The following ARSI variants were observed in gnomAD, a reference collection of about 807,000 sequenced individuals.
ARSI encodes arylsulfatase family member I.
ARSI carries 37 observed loss-of-function variants against 42.1 expected under a neutral mutation model. The ratio of observed to expected loss-of-function variants is 0.88; its 90% CI spans 0.68 to 1.16. The LOEUF (loss-of-function observed/expected upper bound fraction) is 1.16, where lower values mean the gene tolerates loss of function less well. ARSI is among the 50% of genes most tolerant of loss of function. The pLI is 0.00. For missense variants in ARSI, 725 were observed against 790.1 expected (o/e 0.92, Z 0.99); for synonymous variants, 305 against 320.3 (o/e 0.95, Z 0.51).
chr5:150,299,187 A>C (rs1354610138), intron 1 of ARSI, among the ~76,000 whole-genome samples: 1 of 152,230 alleles, frequency 6.6e-6, no homozygotes, highest in African/African-American at 2.4e-5. Flanking sequence ...CTAAGCTATT[A>C]ACTTGCACTG....
Position 150,302,030 on chromosome 5 carries a change from A to T in ARSI, c.311+33T>A. ...TCAACTGGGTTGATTTGGGGTTTAGATGCCCAGCCCCGGGGCCTTGAGCCA... is the reference window on the plus strand; with the variant it reads ...TCAACTGGGTTGATTTGGGGTTTAGTTGCCCAGCCCCGGGGCCTTGAGCCA... On this transcript the variant is annotated intron_variant, in intron 1 of 1. Transcript: ENST00000328668. The surrounding 1 kb of genome is among the most constrained non-coding windows in gnomAD (Gnocchi z 6.1). 6.5e-7 allele frequency: 1 copy of T among 1,531,084 alleles called. No homozygotes were observed. Among genetic ancestry groups the T allele is most frequent in the Non-Finnish European group, 8.8e-7 (1 of 1,136,330 alleles). 94.8% of individuals were successfully genotyped at this position (1,531,084 alleles called of 1,614,324 possible). A position where few individuals can be genotyped will look rare whatever the true frequency, so the allele number is the denominator to read the frequency against.
At position 150,298,173 on chromosome 5, in the gene ARSI, G is replaced by C; in HGVS notation, c.751C>G (p.Arg251Gly). The change falls in exon 2 of 2, where the codon CGC (arginine) becomes GGC (glycine). Residue 251 changes from arginine (R) to glycine (G), a missense_variant. Transcript: ENST00000328668. Reference protein sequence around the residue: ...PLQSPREYLYRYRTMGNVARR... With the variant: ...PLQSPREYLYGYRTMGNVARR... The stretch of plus-strand genomic sequence containing the variant: ...GCCACATTGCCCATGGTGCGGTAGC[G>C]GTACAGGTACTCACGAGGGGACTGC... 6.2e-7 allele frequency: 1 copy of C among 1,614,042 alleles called. No individual in the cohort carries two copies. Among genetic ancestry groups the C allele is most frequent in the South Asian group, 1.1e-5 (1 of 91,076 alleles).
rs1757800716 is a variant in ARSI at position 150,296,509 on chromosome 5, G to A, written c.*705C>T. Reference sequence around the variant, plus strand: ...GTGCCCCAGGTCACAGGAGAACCCAGGTGTCCTGGTACTGGTTTGGGGGCT... The same window carrying A: ...GTGCCCCAGGTCACAGGAGAACCCAAGTGTCCTGGTACTGGTTTGGGGGCT... On this transcript the variant is annotated 3_prime_UTR_variant, in exon 2 of 2. Coordinates refer to ENST00000328668, the MANE Select transcript of ARSI (RefSeq NM_001012301.4). 1 of 152,282 alleles carries A rather than the reference G, an allele frequency of 6.6e-6. No individual in the cohort carries two copies. The highest frequency in any genetic ancestry group is 1.5e-5 in the Non-Finnish European group (1 of 68,078). The allele number at this position is 152,282 out of a possible 1,614,324, so 9.4% of individuals were successfully genotyped here.
At position 150,297,337 on chromosome 5, in the gene ARSI, C is replaced by T. The variant is rs1757821938; in HGVS notation, c.1587G>A (p.Glu529=). Residue 529 remains glutamate (E), a synonymous_variant, in exon 2 of 2, where the codon GAG becomes GAA. Transcript: ENST00000328668. This position sits in a 1 kb window ranked among gnomAD's most constrained non-coding sequence, Gnocchi z 7.0. ...AWGPWASDEE[E]EEEEGRARSF... The stretch of plus-strand genomic sequence containing the variant: ...TTCGAGCCCTCCCTTCCTCTTCCTC[C>T]TCTTCCTCATCACTGGCCCAGGGCC... The T allele has an allele frequency of 2.5e-6, 4 of 1,613,808 alleles. No homozygotes were observed. The highest frequency in any genetic ancestry group is 2.2e-5 in the East Asian group (1 of 44,882).
intron 1 of ARSI, among the ~76,000 whole-genome samples, chr5:150,299,370 G>A (rs1757879361): frequency 6.6e-6 from 1 of 152,148 alleles, no homozygotes; most frequent in African/African-American, 2.4e-5. Context: ...ACTTGGCCGT[G>A]GGATTATACT....
chr5:150,296,890 T>C lies in ARSI; in HGVS notation c.*324A>G. On this transcript the variant is annotated 3_prime_UTR_variant, in exon 2 of 2. Transcript: ENST00000328668. ...GCAAGGCCGGCCAGGAACTCCACCG[T>C]GGCCCCAGGCTCCAGGGCCACACCA... The C allele has an allele frequency of 4.9e-6, 1 of 203,428 alleles. No individual in the cohort carries two copies. Among genetic ancestry groups the C allele is most frequent in the Non-Finnish European group, 9.8e-6 (1 of 102,382 alleles). The allele number at this position is 203,428 out of a possible 1,614,324, so 12.6% of individuals were successfully genotyped here. A position where few individuals can be genotyped will look rare whatever the true frequency, so the allele number is the denominator to read the frequency against.
chr5:150,297,495 G>T lies in ARSI; in HGVS notation c.1429C>A (p.Leu477Met). The change falls in exon 2 of 2, where the codon CTG becomes ATG. Residue 477 changes from leucine (L) to methionine (M), a missense_variant. By Grantham distance (15) the Leu-to-Met change is conservative. Coordinates refer to ENST00000328668, the MANE Select transcript of ARSI (RefSeq NM_001012301.4). This position sits in a 1 kb window ranked among gnomAD's most constrained non-coding sequence, Gnocchi z 7.0. ...ACCACATCAGGCCGCTGGCCAGCCA[G>T]GTCCTCCCGTTCATAAGGGTCAGCA... ...ISADPYEREDLAGQRPDVVRT... is the reference protein window; with the variant it reads ...ISADPYEREDMAGQRPDVVRT... 1 of 1,613,852 alleles carries T rather than the reference G, an allele frequency of 6.2e-7. No individual in the cohort carries two copies.
chr5:150,297,052 C>T lies in ARSI; in HGVS notation c.*162G>A. ...CACAGGCATCCCAGTCTGGTTTATT[C>T]CCACCCACTCCTATCCAGGCTCCCT... On this transcript the variant is annotated 3_prime_UTR_variant, in exon 2 of 2. Transcript: ENST00000328668. The surrounding 1 kb of genome is among the most constrained non-coding windows in gnomAD (Gnocchi z 7.0). 1 of 703,610 alleles carries T rather than the reference C, an allele frequency of 1.4e-6. No homozygotes were observed. The highest frequency in any genetic ancestry group is 3.0e-5 in the East Asian group (1 of 33,704). 43.6% of individuals were successfully genotyped at this position (703,610 alleles called of 1,614,324 possible). A position where few individuals can be genotyped will look rare whatever the true frequency, so the allele number is the denominator to read the frequency against.
chr5:150,297,916 T>A lies in ARSI; in HGVS notation c.1008A>T (p.Arg336=). The change falls in exon 2 of 2, where the codon CGA becomes CGT. Residue 336 remains arginine, a synonymous_variant. Coordinates refer to ENST00000328668, the MANE Select transcript of ARSI (RefSeq NM_001012301.4). This position sits in a 1 kb window ranked among gnomAD's most constrained non-coding sequence, Gnocchi z 7.0. ...LGFVHSPLLK[R]KQRTSRALMH... is the part of the protein sequence containing the mutation. ...TCAGTGCCCGGCTTGTCCGTTGCTT[T>A]CGCTTGAGCAGGGGACTGTGGACAA... The A allele has an allele frequency of 1.2e-6, 2 of 1,611,824 alleles. No individual in the cohort carries two copies.
chr5:150,297,722 T>C lies in ARSI; in HGVS notation c.1202A>G (p.His401Arg). Reference sequence around the variant, plus strand: ...GCCAAAGCCGCCCTCCAGGGAGCCATGCTGGGCATGGTTGTAGAGTGGGTC... The same window carrying C: ...GCCAAAGCCGCCCTCCAGGGAGCCACGCTGGGCATGGTTGTAGAGTGGGTC... ...NIDPLYNHAQHGSLEGGFGIW... is the reference protein window; with the variant it reads ...NIDPLYNHAQRGSLEGGFGIW... Residue 401 changes from histidine (H) to arginine (R), a missense_variant, in exon 2 of 2, where the codon CAT (histidine) becomes CGT (arginine). His to Arg is a conservative substitution (Grantham distance 29). Transcript: ENST00000328668. The surrounding 1 kb of genome is among the most constrained non-coding windows in gnomAD (Gnocchi z 7.0). 8 of 1,613,210 alleles carry C rather than the reference T, an allele frequency of 5.0e-6. No individual in the cohort carries two copies. The highest frequency in any genetic ancestry group is 6.8e-6 in the Non-Finnish European group (8 of 1,179,966).
rs1228436053 is a variant in ARSI at position 150,297,019 on chromosome 5, G to A, written c.*195C>T. The A allele has an allele frequency of 7.4e-6, 4 of 542,640 alleles. No homozygotes were observed. Among genetic ancestry groups the A allele is most frequent in the Non-Finnish European group, 1.2e-5 (4 of 320,140 alleles). The allele number at this position is 542,640 out of a possible 1,614,324, so 33.6% of individuals were successfully genotyped here. ...ACAGAGCAAGTCCGTGAGGAGGCAG[G>A]ACTGAGACACAGGCATCCCAGTCTG... On this transcript the variant is annotated 3_prime_UTR_variant, in exon 2 of 2. Coordinates refer to ENST00000328668, the MANE Select transcript of ARSI (RefSeq NM_001012301.4). This position sits in a 1 kb window ranked among gnomAD's most constrained non-coding sequence, Gnocchi z 7.0.
chr5:150,301,013 T>A (rs1349190238), intron 1 of ARSI, among the ~76,000 whole-genome samples: 2 of 152,138 alleles, frequency 1.3e-5, no homozygotes, highest in Non-Finnish European at 2.9e-5. Flanking sequence ...AAGGACGCCA[T>A]TTGATGCCCA....
chr5:150,302,318 G>C lies in ARSI; in HGVS notation c.56C>G (p.Ser19Cys). 6.3e-7 allele frequency: 1 copy of C among 1,588,244 alleles called. No individual in the cohort carries two copies. Among genetic ancestry groups the C allele is most frequent in the African/African-American group, 1.3e-5 (1 of 74,314 alleles). ...LVSLLSFGYL[S>C]WDWAKPSFVA... ...GAAGCTCGGCTTGGCCCAGTCCCAG[G>C]ACAGGTAGCCGAAGCTGAGCAGGCT... Residue 19 changes from serine to cysteine, a missense_variant, in exon 1 of 2, where the codon TCC (serine) becomes TGC (cysteine). Transcript: ENST00000328668. This position sits in a 1 kb window ranked among gnomAD's most constrained non-coding sequence, Gnocchi z 6.1.
In ARSI at chr5:150,297,302, C is replaced by A; in HGVS notation, c.1622G>T (p.Arg541Leu). The A allele has an allele frequency of 2.5e-6, 4 of 1,612,710 alleles. No homozygotes were observed. The highest frequency in any genetic ancestry group is 2.2e-5 in the South Asian group (2 of 90,812). The stretch of plus-strand genomic sequence containing the variant: ...CTTGCATTTTTTCTTGCGACGACCC[C>A]GGGAGAAGCTTCGAGCCCTCCCTTC... ...EEEGRARSFSRGRRKKKCKIC... is the reference protein window; with the variant it reads ...EEEGRARSFSLGRRKKKCKIC... Residue 541 changes from arginine (R) to leucine (L), a missense_variant, in exon 2 of 2, where the codon CGG (arginine) becomes CTG (leucine). By Grantham distance (102) the Arg-to-Leu change is moderately radical. Coordinates refer to ENST00000328668, the MANE Select transcript of ARSI (RefSeq NM_001012301.4). This position sits in a 1 kb window ranked among gnomAD's most constrained non-coding sequence, Gnocchi z 7.0.
Position 150,298,090 on chromosome 5 carries a change from G to T in ARSI, c.834C>A (p.Thr278=), listed in dbSNP as rs763835530. The stretch of plus-strand genomic sequence containing the variant: ...AGAAACCGTAGCGCTTGAGGGCCCA[G>T]GTGATGTTGCGCACAGCCTCATCCA... ...TCMDEAVRNI[T]WALKRYGFYN... is the part of the protein sequence containing the mutation. The change falls in exon 2 of 2, where the codon ACC becomes ACA. Residue 278 remains threonine (T), a synonymous_variant. Transcript: ENST00000328668. The T allele has an allele frequency of 6.2e-7, 1 of 1,613,530 alleles. No homozygotes were observed.
Position 150,302,401 on chromosome 5 carries a change from C to A in ARSI, c.-28G>T. ...CCAAGCCGGCCCGCGCGTCCCGGCG[C>A]GCCGGGCTCCTGGGGCCTCACCACC... On this transcript the variant is annotated 5_prime_UTR_variant, in exon 1 of 2. Coordinates refer to ENST00000328668, the MANE Select transcript of ARSI (RefSeq NM_001012301.4). This position sits in a 1 kb window ranked among gnomAD's most constrained non-coding sequence, Gnocchi z 6.1. 1 of 1,409,366 alleles carries A rather than the reference C, an allele frequency of 7.1e-7. No homozygotes were observed. 87.3% of individuals were successfully genotyped at this position (1,409,366 alleles called of 1,614,324 possible).
chr5:150,297,742 TG>T lies in ARSI; in HGVS notation c.1181del (p.Pro394HisfsTer34). On this transcript the variant is annotated frameshift_variant, in exon 2 of 2. Transcript: ENST00000328668. LOFTEE classifies it high-confidence loss of function. The surrounding 1 kb of genome is among the most constrained non-coding windows in gnomAD (Gnocchi z 7.0). ...PRTEILHNID[P>X]LYNHAQHGSL... is the part of the protein sequence containing the mutation. ...AGCCATGCTGGGCATGGTTGTAGAG[TG>T]GGTCAATGTTGTGCAGGATCTCCGT... The T allele has an allele frequency of 6.2e-7, 1 of 1,611,334 alleles. No homozygotes were observed. The highest frequency in any genetic ancestry group is 8.5e-7 in the Non-Finnish European group (1 of 1,179,052).
Position 150,297,291 on chromosome 5 carries a change from TGCGACGACCCCGGGAGAA to T in ARSI, c.1615_1632del (p.Phe539_Arg544del), listed in dbSNP as rs1291730642. 5 of 1,610,920 alleles carry T rather than the reference TGCGACGACCCCGGGAGAA, an allele frequency of 3.1e-6. No homozygotes were observed. Among genetic ancestry groups the T allele is most frequent in the Admixed American group, 1.7e-5 (1 of 59,332 alleles). Reference sequence around the variant, plus strand: ...AGCTTGCAAATCTTGCATTTTTTCTTGCGACGACCCCGGGAGAAGCTTCGAGCCCTCCCTTCCTCTTCC... The same window carrying T: ...AGCTTGCAAATCTTGCATTTTTTCTTGCTTCGAGCCCTCCCTTCCTCTTCC... On this transcript the variant is annotated inframe_deletion, in exon 2 of 2. Coordinates refer to ENST00000328668, the MANE Select transcript of ARSI (RefSeq NM_001012301.4). This position sits in a 1 kb window ranked among gnomAD's most constrained non-coding sequence, Gnocchi z 7.0.
chr5:150,297,630 C>T lies in ARSI; in HGVS notation c.1294G>A (p.Gly432Ser), dbSNP rs202145302. 2.3e-4 allele frequency: 370 copies of T among 1,611,812 alleles called. 1 individual carries two copies. The highest frequency in any genetic ancestry group is 3.3e-4 in the Admixed American group (20 of 59,904). ...TGCGGTGGGATCCAATCGCCATAGC[C>T]GGGGTCTCCTGTCAGCAGCTTCCAC... ...GEWKLLTGDPGYGDWIPPQTL... is the reference protein window; with the variant it reads ...GEWKLLTGDPSYGDWIPPQTL... Residue 432 changes from glycine to serine, a missense_variant, in exon 2 of 2, where the codon GGC becomes AGC. Gly to Ser is a moderately conservative substitution (Grantham distance 56, BLOSUM62 0). Coordinates refer to ENST00000328668, the MANE Select transcript of ARSI (RefSeq NM_001012301.4). The surrounding 1 kb of genome is among the most constrained non-coding windows in gnomAD (Gnocchi z 7.0).
Sources: gnomAD v4.1 joint callset for allele counts (sites outside exome capture counted in the v4.1 genomes callset) on GRCh38, gnomAD v4.1.1 for gene constraint, Gnocchi (gnomAD v3.1) non-coding constraint, MANE v1.5 for transcripts, NCBI Gene and HGNC (gene_info 2026-07-23, HGNC 2026-07-21) for gene names.